Variants in NRXN1 observed in about 807,000 individuals in gnomAD.
The protein encoded by NRXN1 is neurexin-1.
In NRXN1, 39 loss-of-function variants were observed where a neutral mutation model predicts 150.9. The ratio of observed to expected loss-of-function variants is 0.26; its 90% CI spans 0.20 to 0.34. NRXN1 has a LOEUF of 0.34. Among genes scored for constraint, NRXN1 ranks in the 10% least tolerant of loss-of-function variants. The pLI, the probability that NRXN1 is intolerant of heterozygous loss-of-function variation, is 1.00. For synonymous variants in NRXN1, 924 were observed against 757.0 expected (o/e 1.22, Z -3.62); for missense variants, 1,815 against 1,949.9 (o/e 0.93, Z 1.30).
intron 17 of NRXN1, among the ~76,000 whole-genome samples, chr2:50,447,163 G>A (rs1332023774): frequency 6.6e-6 from 1 of 151,542 alleles, no homozygotes; most frequent in Admixed American, 6.6e-5. Context: ...ATTTTTTCTG[G>A]CCCTTCCACA....
intron 5 of NRXN1, among the ~76,000 whole-genome samples, chr2:50,709,631 G>A (rs1694886983): frequency 6.6e-6 from 1 of 152,126 alleles, no homozygotes; most frequent in African/African-American, 2.4e-5. Context: ...AATAAAATCA[G>A]GAAGACCAAG....
intron 2 of NRXN1, among the ~76,000 whole-genome samples, chr2:50,939,484 C>A (rs929230008): frequency 1.2e-4 from 18 of 151,542 alleles, no homozygotes; most frequent in Non-Finnish European, 2.7e-4. Flanking sequence ...AAACTTAAAC[C>A]TATTTTTATT....
chr2:50,287,302 AT>A (rs2072319079), intron 17 of NRXN1, among the ~76,000 whole-genome samples: 1 of 152,088 alleles, frequency 6.6e-6, no homozygotes, highest in Non-Finnish European at 1.5e-5. Flanking sequence ...TAGGACAAAA[AT>A]GTTTAATCCT....
intron 5 of NRXN1, among the ~76,000 whole-genome samples, chr2:50,736,195 C>T (rs933438177): frequency 4.6e-5 from 7 of 152,168 alleles, no homozygotes; most frequent in African/African-American, 7.2e-5. Context: ...TTTGAACATG[C>T]TGTGTTTCCT....
intron 15 of NRXN1, among the ~76,000 whole-genome samples, chr2:50,479,986 C>A (rs1475136450): frequency 2.6e-5 from 4 of 152,138 alleles, no homozygotes; most frequent in East Asian, 3.9e-4. Flanking sequence ...GTTGGCCAGG[C>A]TAGTCTCAAA....
At chr2:50,223,060 A>T (rs2064028138) in intron 18 of NRXN1, among the ~76,000 whole-genome samples, 1 of 151,932 alleles carries the variant, frequency 6.6e-6, no homozygotes, top group African/African-American at 2.4e-5. Context: ...TAGGCAACAA[A>T]TAAAATTCAA....
chr2:50,436,082 T>G (rs1223128441), intron 17 of NRXN1, among the ~76,000 whole-genome samples: 8 of 152,024 alleles, frequency 5.3e-5, no homozygotes, highest in Non-Finnish European at 5.9e-5. Flanking sequence ...AAAAGAAAAT[T>G]TTGAAAAAGA....
At chr2:50,538,228 G>C (rs201310922) in intron 10 of NRXN1, 25 bp downstream of exon 10, 2 of 1,593,518 alleles carry the variant, frequency 1.3e-6, no homozygotes, top group Non-Finnish European at 1.7e-6. Context: ...TCAGGGAGTT[G>C]GCTGCTGGGG....
chr2:50,063,603 A>C (rs1442801268), intron 19 of NRXN1, among the ~76,000 whole-genome samples: 1 of 147,066 alleles, frequency 6.8e-6, no homozygotes, highest in Non-Finnish European at 1.5e-5. Flanking sequence ...AGGCTGGCTA[A>C]ATTTTTTCTT....
At chr2:50,498,418 C>A (rs1175756512) in intron 13 of NRXN1, among the ~76,000 whole-genome samples, 2 of 152,114 alleles carry the variant, frequency 1.3e-5, no homozygotes. Flanking sequence ...CTAAATCAAG[C>A]AAAATACACT....
At chr2:50,306,122 AATTAC>A (rs2152958589) in intron 17 of NRXN1, among the ~76,000 whole-genome samples, 1 of 152,326 alleles carries the variant, frequency 6.6e-6, no homozygotes, top group African/African-American at 2.4e-5. Flanking sequence ...CTTACAAGAT[AATTAC>A]ATTAATCAGT....
intron 15 of NRXN1, among the ~76,000 whole-genome samples, chr2:50,491,495 G>A (rs931818387): frequency 6.6e-6 from 1 of 152,156 alleles, no homozygotes; most frequent in African/African-American, 2.4e-5. Context: ...TGAGATTTAA[G>A]GAGGAATACT....
At chr2:51,012,529 A>G (rs1668043975) in intron 2 of NRXN1, among the ~76,000 whole-genome samples, 1 of 152,032 alleles carries the variant, frequency 6.6e-6, no homozygotes, top group Admixed American at 6.6e-5. Context: ...TACTATAATT[A>G]ATAGTGAGTT....
chr2:50,163,593 C>T (rs1419570293), intron 18 of NRXN1, among the ~76,000 whole-genome samples: 1 of 152,118 alleles, frequency 6.6e-6, no homozygotes, highest in East Asian at 1.9e-4. Context: ...ATGGTTTTTA[C>T]AGTTAAGGAT....
At chr2:50,684,580 G>C (rs897245762) in intron 5 of NRXN1, among the ~76,000 whole-genome samples, 1 of 152,052 alleles carries the variant, frequency 6.6e-6, no homozygotes, top group Admixed American at 6.6e-5. Flanking sequence ...AATGGGTGGT[G>C]GTATCTGTCT....
intron 5 of NRXN1, among the ~76,000 whole-genome samples, chr2:50,839,718 A>G (rs1354106757): frequency 1.3e-5 from 2 of 152,172 alleles, no homozygotes; most frequent in African/African-American, 4.8e-5. Flanking sequence ...ATAATAAAGA[A>G]AACACATAAG....
intron 8 of NRXN1, among the ~76,000 whole-genome samples, chr2:50,612,241 C>A (rs879653800): frequency 9.0e-6 from 1 of 111,606 alleles, no homozygotes; most frequent in African/African-American, 2.8e-5. Context: ...TACCTCTTTT[C>A]ATGCTTAGAG....
chr2:50,731,470 T>C (rs1430425796), intron 5 of NRXN1, among the ~76,000 whole-genome samples: 1 of 152,186 alleles, frequency 6.6e-6, no homozygotes, highest in Non-Finnish European at 1.5e-5. Context: ...AAAAAAATGT[T>C]ATCCGGCAGA....
At chr2:50,556,890 C>T (rs935457908) in intron 8 of NRXN1, among the ~76,000 whole-genome samples, 8 of 152,134 alleles carry the variant, frequency 5.3e-5, no homozygotes, top group African/African-American at 1.4e-4. Context: ...AAAGGAAAGG[C>T]GTGCCATAAC....
Sources: gnomAD v4.1 joint callset for allele counts (sites outside exome capture counted in the v4.1 genomes callset) on GRCh38, gnomAD v4.1.1 for gene constraint, MANE v1.5 for transcripts, NCBI Gene and HGNC (gene_info 2026-07-23, HGNC 2026-07-21) for gene names.